The following CCNH variants were observed in gnomAD, a reference collection of about 807,000 sequenced individuals.
CCNH encodes the protein cyclin H.
Under a neutral mutation model 41.9 loss-of-function variants are expected in CCNH, and 31 were observed. The ratio of observed to expected loss-of-function variants is 0.74; its 90% CI spans 0.56 to 1.00. CCNH has a LOEUF of 1.00. CCNH is among the 50% of genes least tolerant of loss of function. The probability of loss-of-function intolerance (pLI) is 0.00; values close to 1 mark genes in which losing one functional copy is unlikely to be tolerated. For synonymous variants in CCNH, 138 were observed against 136.1 expected (o/e 1.01, Z -0.10); for missense variants, 362 against 388.4 (o/e 0.93, Z 0.57).
chr5:87,402,005 T>C (rs958656870), intron 5 of CCNH, among the ~76,000 whole-genome samples: 3 of 152,204 alleles, frequency 2.0e-5, no homozygotes, highest in Admixed American at 1.3e-4. Flanking sequence ...AGAGGGAAAA[T>C]AGTATGAAAG....
intron 1 of CCNH, among the ~76,000 whole-genome samples, chr5:87,412,000 A>C (rs1446399794): frequency 1.3e-5 from 2 of 152,224 alleles, no homozygotes; most frequent in African/African-American, 4.8e-5. Flanking sequence ...CCATAGTCCA[A>C]ACCATCTTCA....
At chr5:87,401,856 C>A (rs1047580690) in intron 5 of CCNH, 84 bp from the exon 6 acceptor site, 10 of 798,498 alleles carry the variant, frequency 1.3e-5, no homozygotes, top group Non-Finnish European at 1.9e-5. Flanking sequence ...TTCCTCCATC[C>A]TCATCAAAGG....
rs112507959 is a variant in CCNH, at chr5:87,353,096, A to G, written c.*91-34199T>C. On this transcript the variant is annotated intron_variant and NMD_transcript_variant, in intron 9 of 9. Coordinates refer to the CCNH transcript ENST00000645953. Reference sequence around the variant, plus strand: ...ATCCTTGGCAAGAAAGTTTACACATATTTTTAAAGATTTTGCAGTTTTATG... The same window carrying G: ...ATCCTTGGCAAGAAAGTTTACACATGTTTTTAAAGATTTTGCAGTTTTATG... 2.4e-5 allele frequency: 33 copies of G among 1,352,574 alleles called. No individual in the cohort carries two copies. The African/African-American group carries it at 3.0e-4, about 12-fold the overall frequency. 83.8% of individuals were successfully genotyped at this position (1,352,574 alleles called of 1,614,324 possible).
intron 9 of CCNH, among the ~76,000 whole-genome samples, chr5:87,351,038 T>C (rs910751305): frequency 1.3e-5 from 2 of 151,718 alleles, no homozygotes; most frequent in Non-Finnish European, 3.0e-5. Flanking sequence ...GATTTTTCAA[T>C]AAATCTGTCG....
chr5:87,333,120 G>A (rs1235838835), intron 9 of CCNH: 1 of 1,217,498 alleles, frequency 8.2e-7, no homozygotes, highest in African/African-American at 1.5e-5. Context: ...CTAGGCACTG[G>A]GTATTTATAG....
chr5:87,368,978 A>C (rs921520293), intron 9 of CCNH, among the ~76,000 whole-genome samples: 2 of 152,128 alleles, frequency 1.3e-5, no homozygotes, highest in Non-Finnish European at 2.9e-5. Flanking sequence ...TCCAATTCCT[A>C]TTTTCCATGA....
chr5:87,353,347 C>T (rs773536924), intron 9 of CCNH: 39 of 864,420 alleles, frequency 4.5e-5, no homozygotes, highest in Non-Finnish European at 6.9e-5. Flanking sequence ...CTTAAAACTA[C>T]AGATTATTTA....
At chr5:87,316,587 C>G (rs922861655), downstream of CCNH, among the ~76,000 whole-genome samples, 1 of 152,100 alleles carries the variant, frequency 6.6e-6, no homozygotes, top group Non-Finnish European at 1.5e-5. Context: ...CTAGACCTGT[C>G]CCACAGAGAC....
chr5:87,355,935 TG>T (rs1759615851), intron 9 of CCNH, among the ~76,000 whole-genome samples: 1 of 152,154 alleles, frequency 6.6e-6, no homozygotes, highest in South Asian at 2.1e-4. Context: ...AATTTGGAAG[TG>T]GAGCTTGAAG....
At chr5:87,383,874 G>C in intron 9 of CCNH, 2 of 889,500 alleles carry the variant, frequency 2.2e-6, no homozygotes, top group Non-Finnish European at 3.3e-6. Flanking sequence ...TTTTTTTTTT[G>C]ATCATCCAAT....
downstream of CCNH, among the ~76,000 whole-genome samples, chr5:87,371,541 A>G (rs927478605): frequency 2.6e-5 from 4 of 152,180 alleles, no homozygotes; most frequent in African/African-American, 9.6e-5. Flanking sequence ...TTTGATTTGA[A>G]TATTAGGCTA....
chr5:87,338,652 A>G (rs987017930), intron 9 of CCNH, among the ~76,000 whole-genome samples: 9 of 150,262 alleles, frequency 6.0e-5, no homozygotes, highest in Non-Finnish European at 1.0e-4. Flanking sequence ...GATGACAGGC[A>G]TGAGCCACAG....
intron 9 of CCNH, among the ~76,000 whole-genome samples, chr5:87,365,203 T>C (rs1278485470): frequency 3.3e-5 from 5 of 152,146 alleles, no homozygotes; most frequent in Non-Finnish European, 5.9e-5. Context: ...CCTGAGATAC[T>C]AGTGGTTGTA....
upstream of CCNH, chr5:87,377,228 A>AT (rs1761388499): frequency 2.8e-6 from 2 of 714,960 alleles, no homozygotes; most frequent in South Asian, 3.6e-5. Context: ...TGGGAAGCTG[A>AT]TATTTCTAAT....
chr5:87,334,497 G>C (rs565100141), intron 9 of CCNH, among the ~76,000 whole-genome samples: 4 of 152,274 alleles, frequency 2.6e-5, no homozygotes, highest in African/African-American at 9.6e-5. Context: ...CTATGGCCCA[G>C]CCAAGTTGAC....
intron 9 of CCNH, among the ~76,000 whole-genome samples, chr5:87,348,156 A>G (rs1758996613): frequency 6.6e-6 from 1 of 152,012 alleles, no homozygotes; most frequent in Admixed American, 6.6e-5. Flanking sequence ...ATATTATACA[A>G]TCAATTTCTG....
intron 9 of CCNH, among the ~76,000 whole-genome samples, chr5:87,333,742 G>A (rs752670020): frequency 6.6e-6 from 1 of 152,080 alleles, no homozygotes; most frequent in Non-Finnish European, 1.5e-5. Context: ...CAACATGTTA[G>A]TTTGTGGTTT....
downstream of CCNH, among the ~76,000 whole-genome samples, chr5:87,314,221 G>T (rs1561273952): frequency 6.6e-6 from 1 of 152,106 alleles, no homozygotes; most frequent in Non-Finnish European, 1.5e-5. Context: ...GTGCATGTTT[G>T]GTTTGTTTAA....
chr5:87,397,711 G>A (rs538985086), intron 7 of CCNH, among the ~76,000 whole-genome samples: 2 of 152,276 alleles, frequency 1.3e-5, no homozygotes, highest in East Asian at 3.9e-4. Context: ...GTAAGCTATG[G>A]CAGTTAAGAA....
Sources: allele counts gnomAD v4.1 joint callset (sites outside exome capture counted in the v4.1 genomes callset), GRCh38; gene constraint gnomAD v4.1.1; transcripts MANE v1.5; gene names NCBI Gene and HGNC (gene_info 2026-07-23, HGNC 2026-07-21).